The following SUSD6 variants were observed in gnomAD, a reference collection of about 807,000 sequenced individuals.
SUSD6 encodes sushi domain containing 6, also known as sushi domain-containing protein 6.
SUSD6 carries 16 observed loss-of-function variants against 28.4 expected under a neutral mutation model. That is an observed-to-expected ratio of 0.56 (90% CI 0.38 to 0.86). The LOEUF is 0.86. Ranked by LOEUF, SUSD6 falls within the 40% of genes least tolerant of loss-of-function variation. The pLI, the probability that SUSD6 is intolerant of heterozygous loss-of-function variation, is 0.00. For synonymous variants in SUSD6, 147 were observed against 159.6 expected, an observed-to-expected ratio of 0.92 and a Z score of 0.59; for missense variants, 341 against 384.2, an observed-to-expected ratio of 0.89 and a Z score of 0.94.
At chr14:69,670,184 T>G (rs1885808741) in intron 2 of SUSD6, among the ~76,000 whole-genome samples, 1 of 152,136 alleles carries the variant, frequency 6.6e-6, no homozygotes, top group South Asian at 2.1e-4. Context: ...GGGGATGAGG[T>G]ACTAGGCTGG....
chr14:69,652,889 T>C (rs937078291), intron 1 of SUSD6, among the ~76,000 whole-genome samples: 8 of 152,224 alleles, frequency 5.3e-5, no homozygotes, highest in African/African-American at 1.7e-4. Context: ...GTGCGTGTCA[T>C]CATTTCTCAG....
chr14:69,695,195 T>TA (rs1886207798), intron 2 of SUSD6, among the ~76,000 whole-genome samples: 1 of 152,044 alleles, frequency 6.6e-6, no homozygotes, highest in Non-Finnish European at 1.5e-5. Flanking sequence ...GACTTGACTA[T>TA]TTGGCGGGAT....
At chr14:69,693,887 A>G (rs887195848) in intron 2 of SUSD6, among the ~76,000 whole-genome samples, 2 of 152,256 alleles carry the variant, frequency 1.3e-5, no homozygotes, top group African/African-American at 4.8e-5. Context: ...ACAGTTAGGT[A>G]CCAATTTGGA....
intron 2 of SUSD6, among the ~76,000 whole-genome samples, chr14:69,699,932 A>C (rs1440236705): frequency 6.6e-6 from 1 of 152,210 alleles, no homozygotes; most frequent in Non-Finnish European, 1.5e-5. Context: ...TGGTTGGACC[A>C]TGTGTGCCAT....
At chr14:69,703,704 C>T in intron 3 of SUSD6, 112 bp downstream of exon 3, 2 of 921,664 alleles carry the variant, frequency 2.2e-6, no homozygotes, top group South Asian at 1.5e-5. Flanking sequence ...CAGCCCAGCC[C>T]CAGTTGATGC....
intron 1 of SUSD6, among the ~76,000 whole-genome samples, chr14:69,646,173 TCTTTCTGGGC>T (rs1353310477): frequency 6.6e-6 from 1 of 152,194 alleles, no homozygotes; most frequent in East Asian, 1.9e-4. Flanking sequence ...TCAGTCTTCG[TCTTTCTGGGC>T]CTTTGCTGTA....
intron 2 of SUSD6, among the ~76,000 whole-genome samples, chr14:69,674,154 A>G (rs1468733362): frequency 6.6e-6 from 1 of 152,106 alleles, no homozygotes; most frequent in East Asian, 1.9e-4. Context: ...CTACAGAGAG[A>G]ATGACTGCAT....
intron 4 of SUSD6, among the ~76,000 whole-genome samples, chr14:69,705,800 C>T (rs542682349): frequency 1.3e-5 from 2 of 152,340 alleles, no homozygotes; most frequent in South Asian, 4.1e-4. Context: ...GCTTTAGCCA[C>T]AAGTTGTCTA....
At chr14:69,705,471 C>G (rs1385347609) in intron 4 of SUSD6, among the ~76,000 whole-genome samples, 1 of 152,120 alleles carries the variant, frequency 6.6e-6, no homozygotes, top group Admixed American at 6.5e-5. Flanking sequence ...AGGGGTGAGG[C>G]CCAGTGATAT....
intron 1 of SUSD6, among the ~76,000 whole-genome samples, chr14:69,644,801 T>G (rs1001174928): frequency 3.9e-5 from 6 of 152,222 alleles, no homozygotes; most frequent in African/African-American, 1.4e-4. Context: ...TTTATGTTAA[T>G]TAGTTTAAGC....
At chr14:69,619,728 G>A (rs1885009657) in intron 1 of SUSD6, among the ~76,000 whole-genome samples, 1 of 152,064 alleles carries the variant, frequency 6.6e-6, no homozygotes, top group African/African-American at 2.4e-5. Context: ...CTATGATGGT[G>A]CCACTGTACT....
At chr14:69,626,250 G>C (rs10149936) in intron 1 of SUSD6, among the ~76,000 whole-genome samples, 6,111 of 152,218 alleles carry the variant, frequency 0.04, 436 homozygotes, top group African/African-American at 0.14. Context: ...GGTTTTTACA[G>C]TATACTTCTT....
chr14:69,622,008 G>A (rs1029715187), intron 1 of SUSD6, among the ~76,000 whole-genome samples: 3 of 152,254 alleles, frequency 2.0e-5, no homozygotes, highest in Admixed American at 6.5e-5. Flanking sequence ...AGGTGAGGTG[G>A]TTTTCAGGCA....
At chr14:69,618,681 C>CTG (rs375107386) in intron 1 of SUSD6, among the ~76,000 whole-genome samples, 14 of 151,880 alleles carry the variant, frequency 9.2e-5, no homozygotes, top group Admixed American at 5.2e-4. Flanking sequence ...AAGTTCCCTC[C>CTG]TGTGTGTGTG....
At chr14:69,698,664 T>C (rs1886262147) in intron 2 of SUSD6, among the ~76,000 whole-genome samples, 1 of 152,146 alleles carries the variant, frequency 6.6e-6, no homozygotes, top group Admixed American at 6.5e-5. Context: ...CAGCAGTTAG[T>C]TTCTGCTGAG....
chr14:69,703,402 C>A lies in SUSD6; in HGVS notation c.129C>A (p.Pro43=), dbSNP rs370029210. The A allele has an allele frequency of 9.3e-6, 15 of 1,613,538 alleles. No homozygotes were observed. In the East Asian group the frequency reaches 1.3e-4, roughly 14 times the overall value. ...CTCTCCCTGTCTTTGCAGTGTGCCCCCTACCACCGGAGCCAGAGAATGGTG... is the reference window on the plus strand; with the variant it reads ...CTCTCCCTGTCTTTGCAGTGTGCCCACTACCACCGGAGCCAGAGAATGGTG... ...LLGDGLASVC[P]LPPEPENGGY... Residue 43 remains proline (P), a synonymous_variant, in exon 3 of 6, where the codon CCC becomes CCA. Transcript: ENST00000342745.
chr14:69,709,008 T>A lies in SUSD6; in HGVS notation c.790T>A (p.Ser264Thr). 2 of 1,614,064 alleles carry A rather than the reference T, an allele frequency of 1.2e-6. No individual in the cohort carries two copies. Among genetic ancestry groups the A allele is most frequent in the Non-Finnish European group, 1.7e-6 (2 of 1,180,030 alleles). ...QATTSSWVAG[S>T]GNRQLAHKET... is the part of the protein sequence containing the mutation. The stretch of plus-strand genomic sequence containing the variant: ...AACCACCTCTTCCTGGGTGGCCGGC[T>A]CAGGGAACCGCCAACTGGCACACAA... Residue 264 changes from serine to threonine, a missense_variant, in exon 5 of 6, where the codon TCA (serine) becomes ACA (threonine). Coordinates refer to ENST00000342745, the MANE Select transcript of SUSD6 (RefSeq NM_014734.4).
chr14:69,668,762 A>G (rs556160825), intron 2 of SUSD6, among the ~76,000 whole-genome samples: 5 of 152,118 alleles, frequency 3.3e-5, no homozygotes, highest in Non-Finnish European at 4.4e-5. Context: ...CAGATTCCTC[A>G]TGAATGGCTT....
rs991181757 is a variant in SUSD6 at position 69,667,865 on chromosome 14, A to G, written c.121+9152A>G. 2.6e-5 allele frequency among the ~76,000 whole-genome samples: 4 copies of G among 152,192 alleles called. No individual in the cohort carries two copies. In the South Asian group the frequency reaches 8.3e-4, roughly 32 times the overall value. On this transcript the variant is annotated intron_variant, in intron 2 of 5. Coordinates refer to ENST00000342745, the MANE Select transcript of SUSD6 (RefSeq NM_014734.4). ...ATTCTTGTTCTTTGTTCTTGATTCC[A>G]TATGTGTTTGCATATAAGCTCGTTG... is the stretch of plus-strand genomic sequence containing the variant.
Sources: allele counts gnomAD v4.1 joint callset (sites outside exome capture counted in the v4.1 genomes callset), GRCh38; gene constraint gnomAD v4.1.1; transcripts MANE v1.5; gene names NCBI Gene and HGNC (gene_info 2026-07-23, HGNC 2026-07-21).